Variants in COL24A1 observed in about 807,000 individuals in gnomAD.
COL24A1 encodes collagen alpha-1(XXIV) chain.
In COL24A1, 224 loss-of-function variants were observed where a neutral mutation model predicts 253.9. The observed-to-expected ratio is 0.88, with a 90% CI of 0.79 to 0.99. The LOEUF (loss-of-function observed/expected upper bound fraction) is 0.99. COL24A1 is among the 50% of genes least tolerant of loss of function. COL24A1 has a pLI of 0.00. For synonymous variants in COL24A1, 685 were observed against 673.7 expected (o/e 1.02, Z -0.26); for missense variants, 2,131 against 2,068.5 (o/e 1.03, Z -0.59).
intron 19 of COL24A1, among the ~76,000 whole-genome samples, chr1:86,006,981 G>A (rs1312080145): frequency 6.6e-6 from 1 of 152,052 alleles, no homozygotes; most frequent in Admixed American, 6.6e-5. Context: ...GGAGGCCAAG[G>A]TGTGATGATT....
chr1:86,041,880 TG>T (rs1699518488), intron 12 of COL24A1, among the ~76,000 whole-genome samples: 1 of 152,172 alleles, frequency 6.6e-6, no homozygotes, highest in African/African-American at 2.4e-5. Context: ...GAACTTGAGT[TG>T]AACTCAAATA....
At chr1:85,965,095 A>G (rs1431409758) in intron 22 of COL24A1, 33 bp from the exon 23 acceptor site, 2 of 1,545,332 alleles carry the variant, frequency 1.3e-6, no homozygotes, top group East Asian at 4.5e-5. Context: ...AAGAAAGTAT[A>G]TATGTTTAGT....
At chr1:85,873,943 T>C (rs559023189) in intron 35 of COL24A1, among the ~76,000 whole-genome samples, 2 of 152,286 alleles carry the variant, frequency 1.3e-5, no homozygotes, top group East Asian at 3.9e-4. Context: ...GCTCTCTTGA[T>C]ACTAAAATTA....
At chr1:86,034,598 CAA>C (rs1400763382) in intron 12 of COL24A1, among the ~76,000 whole-genome samples, 2 of 151,902 alleles carry the variant, frequency 1.3e-5, no homozygotes, top group African/African-American at 4.8e-5. Context: ...ACATGTAAAA[CAA>C]AAAGTCCTTT....
intron 37 of COL24A1, among the ~76,000 whole-genome samples, chr1:85,858,332 A>G (rs1308254490): frequency 6.6e-6 from 1 of 152,158 alleles, no homozygotes; most frequent in East Asian, 1.9e-4. Context: ...GGCTCCTACC[A>G]TTTCTCTGAC....
chr1:85,841,998 C>A, intron 41 of COL24A1, 70 bp downstream of exon 41: 2 of 1,328,060 alleles, frequency 1.5e-6, no homozygotes, highest in Non-Finnish European at 2.1e-6. Flanking sequence ...TTTTTCCATG[C>A]AGTCTTTCAG....
At chr1:85,862,898 A>C (rs936461167) in intron 37 of COL24A1, among the ~76,000 whole-genome samples, 3 of 152,148 alleles carry the variant, frequency 2.0e-5, no homozygotes, top group Non-Finnish European at 4.4e-5. Flanking sequence ...TCTATAAATT[A>C]CCTTGGGCAA....
chr1:85,821,722 A>T (rs1464799153), intron 45 of COL24A1, among the ~76,000 whole-genome samples: 2 of 152,174 alleles, frequency 1.3e-5, no homozygotes, highest in East Asian at 3.8e-4. Flanking sequence ...AATTTAAACT[A>T]TGGCTTCTTA....
chr1:85,801,282 T>A (rs1268592279), intron 47 of COL24A1, among the ~76,000 whole-genome samples: 1 of 152,216 alleles, frequency 6.6e-6, no homozygotes, highest in African/African-American at 2.4e-5. Flanking sequence ...ACCCCTTCTC[T>A]ATCTTGCAAC....
At chr1:85,742,178 G>C (rs1351586785) in intron 57 of COL24A1, among the ~76,000 whole-genome samples, 7 of 150,320 alleles carry the variant, frequency 4.7e-5, no homozygotes, top group Non-Finnish European at 8.9e-5. Context: ...CTGTGGCCAG[G>C]CTGGAGTGTG....
intron 48 of COL24A1, among the ~76,000 whole-genome samples, chr1:85,784,677 G>A (rs1196731143): frequency 3.3e-5 from 5 of 152,078 alleles, no homozygotes; most frequent in South Asian, 2.1e-4. Flanking sequence ...TAGTGAGGGT[G>A]TGGTATGTGT....
At chr1:85,785,564 A>C (rs1407313081) in intron 48 of COL24A1, among the ~76,000 whole-genome samples, 1 of 152,228 alleles carries the variant, frequency 6.6e-6, no homozygotes, top group Non-Finnish European at 1.5e-5. Flanking sequence ...TGGCTTTAGC[A>C]TTTGCTTAGC....
At chr1:85,907,573 G>A (rs188587228) in intron 27 of COL24A1, among the ~76,000 whole-genome samples, 3 of 151,802 alleles carry the variant, frequency 2.0e-5, no homozygotes, top group East Asian at 3.9e-4. Context: ...TAGACAGACC[G>A]GTCTAATCTG....
At chr1:85,786,514 T>A in intron 47 of COL24A1, 53 bp from the exon 48 acceptor site, 2 of 1,525,602 alleles carry the variant, frequency 1.3e-6, no homozygotes, top group Non-Finnish European at 1.8e-6. Context: ...AAAAGTCAGT[T>A]TAGAGGCTCA....
intron 2 of COL24A1, among the ~76,000 whole-genome samples, chr1:86,135,051 T>C (rs1649995088): frequency 6.6e-6 from 1 of 152,108 alleles, no homozygotes; most frequent in East Asian, 1.9e-4. Context: ...GGTGTATGTA[T>C]ATTTAGGAGA....
At chr1:85,888,199 A>AT (rs1558537727) in intron 32 of COL24A1, among the ~76,000 whole-genome samples, 1 of 152,040 alleles carries the variant, frequency 6.6e-6, no homozygotes, top group Non-Finnish European at 1.5e-5. Context: ...AGGTCCTGCC[A>AT]TTTTTTATCT....
intron 19 of COL24A1, among the ~76,000 whole-genome samples, chr1:86,005,047 T>C (rs616281): frequency 0.18 from 27,658 of 152,104 alleles, 3,197 homozygotes; most frequent in African/African-American, 0.32. Context: ...GCTACCAAGA[T>C]CTGCTGAGGT....
chr1:85,824,829 T>A (rs539861924), intron 43 of COL24A1, among the ~76,000 whole-genome samples: 1 of 152,042 alleles, frequency 6.6e-6, no homozygotes, highest in African/African-American at 2.4e-5. Context: ...AAGAATGCCT[T>A]AGGAAAGAGT....
At position 85,863,292 on chromosome 1, in the gene COL24A1, A is replaced by G. The variant is rs558996223; in HGVS notation, c.3300+5227T>C. Among the ~76,000 whole-genome samples the G allele has an allele frequency of 4.5e-3, 685 of 152,256 alleles. 4 individuals are homozygous for G. The highest frequency in any genetic ancestry group is 0.031 in the Middle Eastern group (9 of 294). ...GACAATTTGACTTCCTCTTTTCCTA[A>G]TTGAATACCCTTTATTTCTTTCTCC... On this transcript the variant is annotated intron_variant, in intron 37 of 59. Coordinates refer to ENST00000370571, the MANE Select transcript of COL24A1 (RefSeq NM_152890.7).
Sources: allele counts gnomAD v4.1 joint callset (sites outside exome capture counted in the v4.1 genomes callset), GRCh38; gene constraint gnomAD v4.1.1; transcripts MANE v1.5; gene names NCBI Gene and HGNC (gene_info 2026-07-23, HGNC 2026-07-21).